Variants in SPIDR observed in about 807,000 individuals in gnomAD.
The protein encoded by SPIDR is scaffold protein involved in DNA repair.
SPIDR carries 93 observed loss-of-function variants against 104.6 expected under a neutral mutation model. The observed-to-expected ratio is 0.89, with a 90% CI of 0.75 to 1.06. SPIDR has a LOEUF of 1.06. Among genes scored for constraint, SPIDR ranks in the 50% least tolerant of loss-of-function variants. The probability of loss-of-function intolerance (pLI) is 0.00; values close to 1 mark genes in which losing one functional copy is unlikely to be tolerated. For synonymous variants in SPIDR, 431 were observed against 416.9 expected, an observed-to-expected ratio of 1.03 and a Z score of -0.41; for missense variants, 1,154 against 1,111.2, an observed-to-expected ratio of 1.04 and a Z score of -0.55.
chr8:47,389,785 T>C (rs2060367294), intron 5 of SPIDR, among the ~76,000 whole-genome samples: 1 of 150,130 alleles, frequency 6.7e-6, no homozygotes, highest in South Asian at 2.1e-4. Context: ...CTATCAGGAA[T>C]AACTGTGGTT....
intron 8 of SPIDR, among the ~76,000 whole-genome samples, chr8:47,449,386 C>G (rs1226803769): frequency 6.6e-6 from 1 of 152,168 alleles, no homozygotes; most frequent in East Asian, 1.9e-4. Flanking sequence ...AAGAGAAACT[C>G]TGTCAGCTCG....
At chr8:47,729,120 C>T (rs376763824) in intron 18 of SPIDR, 73 bp downstream of exon 18, 11 of 1,575,298 alleles carry the variant, frequency 7.0e-6, no homozygotes, top group African/African-American at 2.7e-5. Flanking sequence ...AGAGCTGAAG[C>T]AGGTGCACGT....
chr8:47,420,549 G>A (rs1554679401), intron 7 of SPIDR, among the ~76,000 whole-genome samples: 2 of 152,070 alleles, frequency 1.3e-5, no homozygotes, highest in Non-Finnish European at 2.9e-5. Flanking sequence ...GCACACTGAT[G>A]GGTCTTGACT....
At chr8:47,696,426 C>G (rs1262363136) in intron 11 of SPIDR, among the ~76,000 whole-genome samples, 1 of 151,954 alleles carries the variant, frequency 6.6e-6, no homozygotes, top group Non-Finnish European at 1.5e-5. Flanking sequence ...ATTTTTTTCT[C>G]TCTCAAGGAT....
At chr8:47,654,597 A>T (rs1192949519) in intron 10 of SPIDR, among the ~76,000 whole-genome samples, 1 of 152,228 alleles carries the variant, frequency 6.6e-6, no homozygotes, top group African/African-American at 2.4e-5. Context: ...AGATGCACTC[A>T]TATAACACTT....
chr8:47,581,735 C>T (rs991454472), intron 8 of SPIDR, among the ~76,000 whole-genome samples: 10 of 152,032 alleles, frequency 6.6e-5, no homozygotes, highest in South Asian at 4.2e-4. Context: ...AGATAGCTAA[C>T]CATTAAAAGA....
At chr8:47,373,830 A>G (rs1172231765) in intron 5 of SPIDR, among the ~76,000 whole-genome samples, 1 of 152,236 alleles carries the variant, frequency 6.6e-6, no homozygotes, top group Non-Finnish European at 1.5e-5. Flanking sequence ...GTGAATGGTA[A>G]TGATTTTCAG....
At chr8:47,689,664 G>T (rs2078343682) in intron 11 of SPIDR, among the ~76,000 whole-genome samples, 1 of 152,108 alleles carries the variant, frequency 6.6e-6, no homozygotes, top group South Asian at 2.1e-4. Context: ...AGGAGGCATG[G>T]GTAGAACAGA....
At chr8:47,554,355 A>G (rs146873130) in intron 8 of SPIDR, among the ~76,000 whole-genome samples, 18 of 152,316 alleles carry the variant, frequency 1.2e-4, no homozygotes, top group African/African-American at 4.1e-4. Context: ...CAGAGGTGGA[A>G]TCTGCATAAG....
intron 5 of SPIDR, among the ~76,000 whole-genome samples, chr8:47,393,129 A>T (rs2154308677): frequency 6.6e-6 from 1 of 152,298 alleles, no homozygotes; most frequent in East Asian, 1.9e-4. Context: ...AGACCTGCAG[A>T]GCCACTGCCT....
At chr8:47,423,107 C>T (rs1281096571) in intron 7 of SPIDR, among the ~76,000 whole-genome samples, 4 of 151,978 alleles carry the variant, frequency 2.6e-5, no homozygotes, top group Non-Finnish European at 5.9e-5. Flanking sequence ...AGTTCGAGAC[C>T]AGCCTGGCCA....
In SPIDR at chr8:47,260,942, A is replaced by C; in HGVS notation, c.-17A>C. On this transcript the variant is annotated 5_prime_UTR_variant, in exon 1 of 20. Transcript: ENST00000297423. ...GGCGCGCTGAGGAGGCGGTGCGCTCAGGCGGCGCTCCCGGAGATGCCCCGC... is the reference window on the plus strand; with the variant it reads ...GGCGCGCTGAGGAGGCGGTGCGCTCCGGCGGCGCTCCCGGAGATGCCCCGC... 8.1e-7 allele frequency: 1 copy of C among 1,227,966 alleles called. No individual in the cohort carries two copies. Among genetic ancestry groups the C allele is most frequent in the Non-Finnish European group, 1.0e-6 (1 of 985,300 alleles). The allele number at this position is 1,227,966 out of a possible 1,614,324, so 76.1% of individuals were successfully genotyped here.
At chr8:47,445,613 CA>C (rs1423484052) in intron 8 of SPIDR, among the ~76,000 whole-genome samples, 3 of 152,184 alleles carry the variant, frequency 2.0e-5, no homozygotes, top group African/African-American at 7.2e-5. Flanking sequence ...GAAAGCATGT[CA>C]AAAGGCAAGG....
At chr8:47,502,438 ATAT>A (rs1450329863) in intron 8 of SPIDR, among the ~76,000 whole-genome samples, 1 of 152,072 alleles carries the variant, frequency 6.6e-6, no homozygotes, top group Non-Finnish European at 1.5e-5. Flanking sequence ...AGAGGTGTTT[ATAT>A]TATTCTCTGA....
chr8:47,400,967 A>C, intron 6 of SPIDR, among the ~76,000 whole-genome samples: 1 of 152,120 alleles, frequency 6.6e-6, no homozygotes, highest in East Asian at 1.9e-4. Context: ...CAACATTCAA[A>C]TTCAGGAAAT....
At chr8:47,692,360 T>C (rs934691480) in intron 11 of SPIDR, among the ~76,000 whole-genome samples, 5 of 152,100 alleles carry the variant, frequency 3.3e-5, no homozygotes, top group Non-Finnish European at 7.4e-5. Flanking sequence ...CTGCTTTCCG[T>C]CTCTGTGGAT....
At position 47,650,000 on chromosome 8, in the gene SPIDR, T is replaced by C. The variant is rs562757763; in HGVS notation, c.1545-23801T>C. Among the ~76,000 whole-genome samples, 12 of 152,262 alleles carry C rather than the reference T, an allele frequency of 7.9e-5. No homozygotes were observed. The South Asian group carries it at 2.3e-3, about 29-fold the overall frequency. ...GTATATGACGAACCCACAGCCAACA[T>C]CATACTGAATGGGGAAAAGCTGAAA... is the stretch of plus-strand genomic sequence containing the variant. On this transcript the variant is annotated intron_variant, in intron 10 of 19. Coordinates refer to ENST00000297423, the MANE Select transcript of SPIDR (RefSeq NM_001080394.4).
chr8:47,729,618 G>T, intron 19 of SPIDR, 153 bp downstream of exon 19: 1 of 787,610 alleles, frequency 1.3e-6, no homozygotes, highest in East Asian at 2.7e-5. Flanking sequence ...ATGCAGATAT[G>T]TCTGCCATTC....
At chr8:47,285,566 A>G (rs1166109774) in intron 3 of SPIDR, among the ~76,000 whole-genome samples, 1 of 152,290 alleles carries the variant, frequency 6.6e-6, no homozygotes, top group Middle Eastern at 3.4e-3. Flanking sequence ...CTAATACTTC[A>G]GTATCTGTTC....
Sources: allele counts gnomAD v4.1 joint callset (sites outside exome capture counted in the v4.1 genomes callset), GRCh38; gene constraint gnomAD v4.1.1; transcripts MANE v1.5; gene names NCBI Gene and HGNC (gene_info 2026-07-23, HGNC 2026-07-21).